Variants in B3GALT1 observed in about 807,000 individuals in gnomAD.
The protein encoded by B3GALT1 is beta-1,3-galactosyltransferase 1.
A neutral mutation model predicts 23.2 loss-of-function variants in B3GALT1; 10 were observed. The ratio of observed to expected loss-of-function variants is 0.43; its 90% confidence interval spans 0.27 to 0.73. The LOEUF is 0.73. Ranked by LOEUF, B3GALT1 falls within the 30% of genes least tolerant of loss-of-function variation. The pLI, the probability that B3GALT1 is intolerant of heterozygous loss-of-function variation, is 0.21. For missense variants in B3GALT1, 299 were observed against 405.4 expected (o/e 0.74, Z 2.25); for synonymous variants, 156 against 141.5 (o/e 1.10, Z -0.73).
At chr2:167,413,359 CATG>C (rs1698420692) in intron 1 of B3GALT1, among the ~76,000 whole-genome samples, 1 of 152,016 alleles carries the variant, frequency 6.6e-6, no homozygotes, top group African/African-American at 2.4e-5. Context: ...ATTTATGTCT[CATG>C]ATTTAAACAT....
intron 1 of B3GALT1, among the ~76,000 whole-genome samples, chr2:167,388,980 A>G (rs77303297): frequency 0.011 from 1,629 of 152,360 alleles, 29 homozygotes; most frequent in African/African-American, 0.036. Flanking sequence ...TCTTTTGTGG[A>G]CAAAATAATT....
chr2:167,441,696 T>G (rs1028347767), intron 1 of B3GALT1, among the ~76,000 whole-genome samples: 11 of 152,120 alleles, frequency 7.2e-5, no homozygotes, highest in African/African-American at 2.7e-4. Context: ...CTGGTTTTAA[T>G]GACCTGGATT....
At position 167,870,404 on chromosome 2, in the gene B3GALT1, A is replaced by G. The variant is rs2105446801; in HGVS notation, c.*384A>G. 2 of 182,528 alleles carry G rather than the reference A, an allele frequency of 1.1e-5. 1 individual carries two copies. Among genetic ancestry groups the G allele is most frequent in the South Asian group, 3.3e-4 (2 of 5,992 alleles). The allele number at this position is 182,528 out of a possible 1,614,324, so 11.3% of individuals were successfully genotyped here. A position where few individuals can be genotyped will look rare whatever the true frequency, so the allele number is the denominator to read the frequency against. On this transcript the variant is annotated 3_prime_UTR_variant, in exon 5 of 5. Transcript: ENST00000392690. Reference sequence around the variant, plus strand: ...TACACAAATAGAAACCATTTTCAAAAGCAATTCAGAAAGGATGCACAGTCA... The same window carrying G: ...TACACAAATAGAAACCATTTTCAAAGGCAATTCAGAAAGGATGCACAGTCA...
chr2:167,440,697 T>G (rs1698868743), intron 1 of B3GALT1, among the ~76,000 whole-genome samples: 1 of 152,134 alleles, frequency 6.6e-6, no homozygotes, highest in Non-Finnish European at 1.5e-5. Context: ...TTATTTTTCC[T>G]CTCTGTTGGT....
At chr2:167,521,989 T>TATATATATATATATATATATACAC (rs1700195581) in intron 2 of B3GALT1, among the ~76,000 whole-genome samples, 4 of 136,474 alleles carry the variant, frequency 2.9e-5, no homozygotes, top group Non-Finnish European at 6.2e-5. Context: ...TGTGTGTATA[T>TATATATATATATATATATATACAC]ATATATATAT....
intron 1 of B3GALT1, among the ~76,000 whole-genome samples, chr2:167,368,214 G>T (rs777973863): frequency 4.5e-4 from 68 of 152,294 alleles, no homozygotes; most frequent in Non-Finnish European, 9.0e-4. Context: ...GTCTTCTGGA[G>T]TGTGTGACTG....
chr2:167,672,507 A>T (rs1211801218), intron 3 of B3GALT1, among the ~76,000 whole-genome samples: 1 of 152,120 alleles, frequency 6.6e-6, no homozygotes, highest in East Asian at 1.9e-4. Flanking sequence ...GGAAATAACA[A>T]TTGCACTGAT....
chr2:167,741,906 A>C (rs537038181), intron 3 of B3GALT1, among the ~76,000 whole-genome samples: 78 of 152,332 alleles, frequency 5.1e-4, no homozygotes, highest in Non-Finnish European at 1.0e-3. Flanking sequence ...GTATATGAAG[A>C]TACATAAGAG....
chr2:167,792,166 T>C (rs1243329658), intron 3 of B3GALT1, among the ~76,000 whole-genome samples: 2 of 152,006 alleles, frequency 1.3e-5, no homozygotes, highest in Non-Finnish European at 2.9e-5. Context: ...TAACTAAAGG[T>C]GAAGAAAGCA....
intron 3 of B3GALT1, among the ~76,000 whole-genome samples, chr2:167,700,053 G>T (rs1219245935): frequency 3.9e-5 from 6 of 152,062 alleles, no homozygotes; most frequent in African/African-American, 7.2e-5. Flanking sequence ...GTTATTGCTA[G>T]CCTTGGCAAC....
At chr2:167,719,975 G>A (rs935511787) in intron 3 of B3GALT1, among the ~76,000 whole-genome samples, 13 of 151,888 alleles carry the variant, frequency 8.6e-5, no homozygotes, top group African/African-American at 3.1e-4. Flanking sequence ...CCAGTAACAG[G>A]TCCCTTGGTG....
At chr2:167,838,380 C>T (rs1320087890) in intron 4 of B3GALT1, among the ~76,000 whole-genome samples, 2 of 152,272 alleles carry the variant, frequency 1.3e-5, no homozygotes, top group African/African-American at 4.8e-5. Context: ...AAACTACCAT[C>T]AGAGAATACT....
At chr2:167,774,830 A>G (rs770908230) in intron 3 of B3GALT1, among the ~76,000 whole-genome samples, 2 of 152,094 alleles carry the variant, frequency 1.3e-5, no homozygotes, top group Non-Finnish European at 2.9e-5. Flanking sequence ...ACTTAAGCTA[A>G]TGAACCAAGT....
intron 3 of B3GALT1, among the ~76,000 whole-genome samples, chr2:167,669,636 A>C (rs368823267): frequency 1.3e-5 from 2 of 152,250 alleles, no homozygotes; most frequent in Non-Finnish European, 2.9e-5. Flanking sequence ...AAAATTTATC[A>C]TATATTTTGT....
At chr2:167,346,052 A>C (rs1016234871) in intron 1 of B3GALT1, among the ~76,000 whole-genome samples, 1 of 151,546 alleles carries the variant, frequency 6.6e-6, no homozygotes, top group African/African-American at 2.4e-5. Flanking sequence ...TTTTTCTTTC[A>C]AAAAGCATTC....
At chr2:167,465,317 A>G (rs1473555587) in intron 1 of B3GALT1, among the ~76,000 whole-genome samples, 1 of 152,224 alleles carries the variant, frequency 6.6e-6, no homozygotes, top group Admixed American at 6.5e-5. Context: ...AAAACATCAA[A>G]CATATTGTCT....
At chr2:167,723,006 G>A (rs1040701915) in intron 3 of B3GALT1, among the ~76,000 whole-genome samples, 2 of 152,162 alleles carry the variant, frequency 1.3e-5, no homozygotes, top group African/African-American at 4.8e-5. Context: ...ACTCTTTCCT[G>A]AAATACTATA....
At chr2:167,317,397 A>G (rs1381965765) in intron 1 of B3GALT1, among the ~76,000 whole-genome samples, 1 of 152,096 alleles carries the variant, frequency 6.6e-6, no homozygotes, top group African/African-American at 2.4e-5. Context: ...CAGGCTCTTC[A>G]GCTCTGCCAA....
chr2:167,371,402 C>CTACT (rs1697682222), intron 1 of B3GALT1, among the ~76,000 whole-genome samples: 1 of 152,052 alleles, frequency 6.6e-6, no homozygotes, highest in Non-Finnish European at 1.5e-5. Flanking sequence ...TCTCCTTTGG[C>CTACT]TACTAGTAGT....
Sources: gnomAD v4.1 joint callset for allele counts (sites outside exome capture counted in the v4.1 genomes callset) on GRCh38, gnomAD v4.1.1 for gene constraint, MANE v1.5 for transcripts, NCBI Gene and HGNC (gene_info 2026-07-23, HGNC 2026-07-21) for gene names.